The following SORCS1 variants were observed in gnomAD, a reference collection of about 807,000 sequenced individuals.
SORCS1 encodes the protein sortilin related VPS10 domain containing receptor 1.
In SORCS1, 60 loss-of-function variants were observed where a neutral mutation model predicts 146.1. The ratio of observed to expected loss-of-function variants is 0.41; its 90% CI spans 0.33 to 0.51. The LOEUF is 0.51. Ranked by LOEUF, SORCS1 falls within the 20% of genes least tolerant of loss-of-function variation. The pLI is 0.21. For missense variants in SORCS1, 1,352 were observed against 1,487.6 expected (o/e 0.91, Z 1.50); for synonymous variants, 637 against 584.0 (o/e 1.09, Z -1.31).
At chr10:106,814,245 A>G (rs1947622051) in intron 3 of SORCS1, among the ~76,000 whole-genome samples, 2 of 152,216 alleles carry the variant, frequency 1.3e-5, no homozygotes, top group Admixed American at 1.3e-4. Flanking sequence ...AAAATATGAC[A>G]TATGGTTTGC....
At chr10:106,976,540 C>G (rs1956031148) in intron 1 of SORCS1, among the ~76,000 whole-genome samples, 1 of 152,012 alleles carries the variant, frequency 6.6e-6, no homozygotes, top group African/African-American at 2.4e-5. Context: ...ACCGTGTTAG[C>G]TAGGATGGTC....
intron 3 of SORCS1, among the ~76,000 whole-genome samples, chr10:106,793,406 A>C (rs1946408061): frequency 6.6e-6 from 1 of 152,174 alleles, no homozygotes; most frequent in African/African-American, 2.4e-5. Flanking sequence ...GTTGAAAGAG[A>C]CTTACTTGCC....
chr10:107,074,877 T>C lies in SORCS1; in HGVS notation c.558+89092A>G, dbSNP rs147072732. The stretch of plus-strand genomic sequence containing the variant: ...TGGCATATCTGTTAAGTTCTTATTG[T>C]TGAGTTTTAAGAGTTCTTTGTAAAT... On this transcript the variant is annotated intron_variant, in intron 1 of 25. Coordinates refer to ENST00000263054, the MANE Select transcript of SORCS1 (RefSeq NM_052918.5). 9.2e-3 allele frequency among the ~76,000 whole-genome samples: 1,401 copies of C among 152,322 alleles called. 19 individuals carry two copies. Among genetic ancestry groups the C allele is most frequent in the Non-Finnish European group, 0.01 (693 of 68,010 alleles).
chr10:106,797,614 A>C (rs1302896630), intron 3 of SORCS1, among the ~76,000 whole-genome samples: 1 of 152,164 alleles, frequency 6.6e-6, no homozygotes, highest in Non-Finnish European at 1.5e-5. Flanking sequence ...GTCTGCTGAA[A>C]AACATGCAAA....
At chr10:106,812,078 G>A (rs968723731) in intron 3 of SORCS1, among the ~76,000 whole-genome samples, 6 of 152,148 alleles carry the variant, frequency 3.9e-5, no homozygotes. Context: ...CTGGCTCACT[G>A]CAAGCTCTGC....
intron 2 of SORCS1, among the ~76,000 whole-genome samples, chr10:106,858,338 G>A (rs1364994639): frequency 6.6e-6 from 1 of 152,012 alleles, no homozygotes; most frequent in African/African-American, 2.4e-5. Flanking sequence ...GGGTGCATTT[G>A]GCTGGGCGCA....
intron 1 of SORCS1, among the ~76,000 whole-genome samples, chr10:107,010,431 A>AT (rs113241978): frequency 3.4e-5 from 3 of 87,842 alleles, no homozygotes; most frequent in Admixed American, 1.1e-4. Context: ...GCATAACTTT[A>AT]TTTTTTTTGT....
At chr10:106,581,728 A>G (rs1243693844) in intron 24 of SORCS1, among the ~76,000 whole-genome samples, 1 of 152,180 alleles carries the variant, frequency 6.6e-6, no homozygotes, top group Non-Finnish European at 1.5e-5. Flanking sequence ...TTTGAAATAA[A>G]TCTTGGAAAA....
At chr10:107,004,869 G>A (rs928751577) in intron 1 of SORCS1, among the ~76,000 whole-genome samples, 6 of 152,112 alleles carry the variant, frequency 3.9e-5, no homozygotes, top group African/African-American at 1.4e-4. Flanking sequence ...GTGTGGGTGG[G>A]TGGGCCTGTG....
At chr10:106,645,155 A>G (rs1849331048) in intron 18 of SORCS1, among the ~76,000 whole-genome samples, 1 of 134,618 alleles carries the variant, frequency 7.4e-6, no homozygotes. Context: ...TTTTTTTTTG[A>G]GAGGGTGTCT....
chr10:106,671,827 C>A (rs191675113), intron 15 of SORCS1, among the ~76,000 whole-genome samples: 35 of 152,332 alleles, frequency 2.3e-4, no homozygotes, highest in African/African-American at 7.0e-4. Flanking sequence ...TCTGCCCACA[C>A]AACTTTACAG....
At chr10:107,048,027 G>A (rs1007023337) in intron 1 of SORCS1, among the ~76,000 whole-genome samples, 6 of 152,156 alleles carry the variant, frequency 3.9e-5, no homozygotes, top group South Asian at 4.1e-4. Flanking sequence ...AGGCTGCAGT[G>A]AGCCGAGCTG....
intron 1 of SORCS1, among the ~76,000 whole-genome samples, chr10:107,032,667 G>A (rs1047818861): frequency 6.6e-6 from 1 of 152,168 alleles, no homozygotes; most frequent in African/African-American, 2.4e-5. Context: ...CCAGAAAAGA[G>A]GGGTCTTGTG....
rs866275830 is a variant in SORCS1, at chr10:106,846,052, A to G, written c.627-16379T>C. On this transcript the variant is annotated intron_variant, in intron 2 of 25. Coordinates refer to ENST00000263054, the MANE Select transcript of SORCS1 (RefSeq NM_052918.5). ...GCTTTGTTCTTTTGGCTTAGGATTG[A>G]CTTGGCGATGCGGGCTCTTTTTTGG... Among the ~76,000 whole-genome samples, 14 of 119,106 alleles carry G rather than the reference A, an allele frequency of 1.2e-4. 1 individual carries two copies. Among genetic ancestry groups the G allele is most frequent in the Admixed American group, 1.0e-3 (11 of 11,020 alleles). The allele number at this position is 119,106 out of a possible 152,430, so 78.1% of individuals were successfully genotyped here.
chr10:106,678,594 C>T (rs1217532607), intron 12 of SORCS1, among the ~76,000 whole-genome samples: 2 of 152,144 alleles, frequency 1.3e-5, no homozygotes, highest in Non-Finnish European at 2.9e-5. Context: ...AGTATAACAA[C>T]CAAGCATTAG....
In SORCS1 at chr10:106,849,231, T is replaced by G. The variant is rs984424307; in HGVS notation, c.627-19558A>C. Among the ~76,000 whole-genome samples, 4 of 151,026 alleles carry G rather than the reference T, an allele frequency of 2.6e-5. No individual in the cohort carries two copies. In the East Asian group the frequency reaches 7.8e-4, roughly 29 times the overall value. On this transcript the variant is annotated intron_variant, in intron 2 of 25. Coordinates refer to ENST00000263054, the MANE Select transcript of SORCS1 (RefSeq NM_052918.5). ...ATCACTTTCAGGTACACCAATCAGA[T>G]GTAGATTTGGTCTTTTCACATAGTC...
intron 4 of SORCS1, among the ~76,000 whole-genome samples, chr10:106,766,218 G>A (rs1859561513): frequency 6.6e-6 from 1 of 152,074 alleles, no homozygotes; most frequent in South Asian, 2.1e-4. Flanking sequence ...GAAGCAGGGG[G>A]CCTGCAAATT....
intron 2 of SORCS1, among the ~76,000 whole-genome samples, chr10:106,921,825 T>G (rs1952726888): frequency 6.6e-6 from 1 of 152,202 alleles, no homozygotes; most frequent in Non-Finnish European, 1.5e-5. Context: ...CTATTACAAA[T>G]TCAATCTGAA....
chr10:106,961,959 C>G (rs1418038011), intron 1 of SORCS1, among the ~76,000 whole-genome samples: 2 of 152,204 alleles, frequency 1.3e-5, no homozygotes, highest in African/African-American at 4.8e-5. Flanking sequence ...CTCTTGAATT[C>G]TTTCCTGAGT....
Sources: gnomAD v4.1 joint callset for allele counts (sites outside exome capture counted in the v4.1 genomes callset) on GRCh38, gnomAD v4.1.1 for gene constraint, MANE v1.5 for transcripts, NCBI Gene and HGNC (gene_info 2026-07-23, HGNC 2026-07-21) for gene names.